The following SDK1 variants were observed in gnomAD, a reference collection of about 807,000 sequenced individuals.
The protein encoded by SDK1 is sidekick cell adhesion molecule 1, also known as protein sidekick-1.
Under a neutral mutation model 245.5 loss-of-function variants are expected in SDK1, and 157 were observed. That is an observed-to-expected ratio of 0.64 (90% CI 0.56 to 0.73). SDK1 has a LOEUF of 0.73. SDK1 is among the 30% of genes least tolerant of loss of function. SDK1 has a pLI of 0.00. For synonymous variants in SDK1, 1,647 were observed against 1,278.5 expected (o/e 1.29, Z -6.15); for missense variants, 3,583 against 3,002.3 (o/e 1.19, Z -4.52).
chr7:3,988,580 G>A (rs80154486), intron 14 of SDK1, among the ~76,000 whole-genome samples: 1,597 of 152,112 alleles, frequency 0.01, 28 homozygotes, highest in African/African-American at 0.037. Context: ...TCTCCACACC[G>A]GTCAGCCACA....
intron 1 of SDK1, among the ~76,000 whole-genome samples, chr7:3,450,400 G>A (rs1159980929): frequency 6.6e-6 from 1 of 152,168 alleles, no homozygotes; most frequent in Non-Finnish European, 1.5e-5. Flanking sequence ...TAGAATGGTA[G>A]CATAATAATC....
intron 44 of SDK1, among the ~76,000 whole-genome samples, chr7:4,256,592 C>T (rs1461694262): frequency 1.3e-5 from 2 of 152,214 alleles, no homozygotes; most frequent in African/African-American, 2.4e-5. Context: ...GACGTTTATC[C>T]TCTCTACTGG....
intron 1 of SDK1, among the ~76,000 whole-genome samples, chr7:3,429,601 A>ATTTTT: frequency 7.1e-6 from 1 of 140,566 alleles, no homozygotes; most frequent in Non-Finnish European, 1.6e-5. Context: ...GCAAAAGCCT[A>ATTTTT]TTTTTTTTTT....
At chr7:3,405,088 G>C (rs1406000410) in intron 1 of SDK1, among the ~76,000 whole-genome samples, 2 of 148,784 alleles carry the variant, frequency 1.3e-5, no homozygotes, top group African/African-American at 5.1e-5. Flanking sequence ...GAAAGCCTTG[G>C]TTTTCTTATT....
chr7:3,432,320 T>C (rs1256362635), intron 1 of SDK1, among the ~76,000 whole-genome samples: 1 of 151,980 alleles, frequency 6.6e-6, no homozygotes, highest in Non-Finnish European at 1.5e-5. Context: ...CATGTCATCC[T>C]GCCCCAGTCA....
chr7:3,482,117 G>A (rs972161750), intron 1 of SDK1, among the ~76,000 whole-genome samples: 1 of 152,158 alleles, frequency 6.6e-6, no homozygotes, highest in Non-Finnish European at 1.5e-5. Context: ...AAAGCTATAG[G>A]AATAAAATAG....
chr7:3,581,959 A>G (rs1260990757), intron 1 of SDK1, among the ~76,000 whole-genome samples: 1 of 152,244 alleles, frequency 6.6e-6, no homozygotes, highest in African/African-American at 2.4e-5. Flanking sequence ...ACATGGCCAC[A>G]TAGAGGGGAA....
chr7:3,509,053 C>G (rs573667446), intron 1 of SDK1, among the ~76,000 whole-genome samples: 1 of 151,434 alleles, frequency 6.6e-6, no homozygotes, highest in East Asian at 1.9e-4. Flanking sequence ...ATCAGGGCAG[C>G]CTAAGGAAGG....
intron 5 of SDK1, among the ~76,000 whole-genome samples, chr7:3,935,167 G>T (rs1780113223): frequency 6.6e-6 from 1 of 152,202 alleles, no homozygotes; most frequent in African/African-American, 2.4e-5. Flanking sequence ...GAGTGCCAGG[G>T]ACGATGGGCA....
At chr7:3,578,812 T>C (rs182256526) in intron 1 of SDK1, among the ~76,000 whole-genome samples, 88 of 152,048 alleles carry the variant, frequency 5.8e-4, no homozygotes, top group African/African-American at 1.9e-3. Context: ...ATCGCTGTTA[T>C]TCTGTTCTTT....
chr7:3,885,301 G>A (rs943660760), intron 5 of SDK1, among the ~76,000 whole-genome samples: 1 of 152,142 alleles, frequency 6.6e-6, no homozygotes, highest in African/African-American at 2.4e-5. Flanking sequence ...ACTGACGCCC[G>A]GTGGCAACAG....
intron 5 of SDK1, among the ~76,000 whole-genome samples, chr7:3,914,127 C>T (rs1289507230): frequency 1.3e-5 from 2 of 152,206 alleles, no homozygotes; most frequent in African/African-American, 2.4e-5. Context: ...AACCCATTTG[C>T]AGCTTTTCCT....
At chr7:4,100,425 C>T (rs1489604313) in intron 22 of SDK1, among the ~76,000 whole-genome samples, 1 of 152,180 alleles carries the variant, frequency 6.6e-6, no homozygotes, top group Non-Finnish European at 1.5e-5. Context: ...GCAGAGAGCA[C>T]AGGGGGAGCT....
At chr7:4,170,387 C>T (rs2128216028) in intron 32 of SDK1, among the ~76,000 whole-genome samples, 1 of 152,172 alleles carries the variant, frequency 6.6e-6, no homozygotes, top group South Asian at 2.1e-4. Flanking sequence ...GTCGAGGCTG[C>T]AGTGAGCTCT....
intron 1 of SDK1, among the ~76,000 whole-genome samples, chr7:3,398,495 A>G (rs929952162): frequency 6.6e-6 from 1 of 152,000 alleles, no homozygotes; most frequent in Non-Finnish European, 1.5e-5. Flanking sequence ...TAGGTCACAT[A>G]AAGTTCTGAC....
intron 22 of SDK1, among the ~76,000 whole-genome samples, chr7:4,092,141 T>A (rs34024211): frequency 6.6e-6 from 1 of 151,926 alleles, no homozygotes; most frequent in African/African-American, 2.4e-5. Flanking sequence ...CATAAAGCCC[T>A]AATAACAGTG....
At chr7:3,679,806 G>A (rs1158263185) in intron 4 of SDK1, among the ~76,000 whole-genome samples, 3 of 152,214 alleles carry the variant, frequency 2.0e-5, no homozygotes, top group Admixed American at 2.0e-4. Flanking sequence ...GCTAGCTGCT[G>A]TGTAAACTGG....
At chr7:4,206,038 AC>A (rs1396589149) in intron 36 of SDK1, 44 bp downstream of exon 36, 2 of 1,312,598 alleles carry the variant, frequency 1.5e-6, no homozygotes, top group East Asian at 2.6e-5. Flanking sequence ...TCGCTTGGGC[AC>A]CCCTCGTTCA....
At chr7:3,532,238 G>T (rs992589177) in intron 1 of SDK1, among the ~76,000 whole-genome samples, 1 of 152,136 alleles carries the variant, frequency 6.6e-6, no homozygotes, top group Non-Finnish European at 1.5e-5. Context: ...CCAGTGGCTT[G>T]TGAACCCAAA....
Sources: gnomAD v4.1 joint callset for allele counts (sites outside exome capture counted in the v4.1 genomes callset) on GRCh38, gnomAD v4.1.1 for gene constraint, MANE v1.5 for transcripts, NCBI Gene and HGNC (gene_info 2026-07-23, HGNC 2026-07-21) for gene names.